The following ZNF329 variants were observed in gnomAD, a reference collection of about 807,000 sequenced individuals.
ZNF329 encodes the protein zinc finger protein 329.
ZNF329 carries 15 observed loss-of-function variants against 26.6 expected under a neutral mutation model. The observed-to-expected ratio is 0.56, with a 90% CI of 0.38 to 0.87. The LOEUF (loss-of-function observed/expected upper bound fraction) is 0.87, where lower values mean the gene tolerates loss of function less well. ZNF329 is among the 40% of genes least tolerant of loss of function. The pLI, the probability that ZNF329 is intolerant of heterozygous loss-of-function variation, is 0.00. For missense variants in ZNF329, 651 were observed against 651.9 expected, an observed-to-expected ratio of 1.00 and a Z score of 0.02; for synonymous variants, 239 against 233.5, an observed-to-expected ratio of 1.02 and a Z score of -0.21.
intron 1 of ZNF329, among the ~76,000 whole-genome samples, chr19:58,145,562 T>C (rs1271079328): frequency 6.6e-6 from 1 of 151,742 alleles, no homozygotes; most frequent in African/African-American, 2.4e-5. Flanking sequence ...CCTCAAGTGA[T>C]CTACCCGCCT....
At chr19:58,146,048 C>G (rs1342947892) in intron 1 of ZNF329, among the ~76,000 whole-genome samples, 1 of 148,480 alleles carries the variant, frequency 6.7e-6, no homozygotes, top group Non-Finnish European at 1.5e-5. Flanking sequence ...TTGAGGAAGA[C>G]TAAAATAACA....
In ZNF329 at chr19:58,128,961, C is replaced by T. The variant is rs953149377; in HGVS notation, c.543G>A (p.Glu181=). 6.2e-7 allele frequency: 1 copy of T among 1,613,340 alleles called. No individual in the cohort carries two copies. Among genetic ancestry groups the T allele is most frequent in the Non-Finnish European group, 8.5e-7 (1 of 1,179,736 alleles). Residue 181 remains glutamate, a synonymous_variant, in exon 4 of 4, where the codon GAG becomes GAA. Transcript: ENST00000598312. ...GCGATGAGCTCAGAGTAAAGATGTT[C>T]TCAAAATTCTTACCTTCATACGATT... is the stretch of plus-strand genomic sequence containing the variant. ...GKKSYEGKNF[E]NIFTLSSSLN...
chr19:58,132,022 CAAAAAA>C (rs11317433), intron 3 of ZNF329, among the ~76,000 whole-genome samples: 1 of 98,986 alleles, frequency 1.0e-5, no homozygotes. Flanking sequence ...GACTCTGCCT[CAAAAAA>C]AAAAAAAAAA....
chr19:58,128,757 AT>A lies in ZNF329; in HGVS notation c.746del (p.His249LeufsTer26). 6.2e-7 allele frequency: 1 copy of A among 1,604,102 alleles called. No homozygotes were observed. Among genetic ancestry groups the A allele is most frequent in the South Asian group, 1.1e-5 (1 of 89,738 alleles). ...GCTTCTCTCCTGTGTGGATTCTTTGATGCACAATCAGGTTGTAGTTCTTGGA... is the reference window on the plus strand; with the variant it reads ...GCTTCTCTCCTGTGTGGATTCTTTGAGCACAATCAGGTTGTAGTTCTTGGA... ...SFSKNYNLIV[H>X]QRIHTGEKPY... On this transcript the variant is annotated frameshift_variant, in exon 4 of 4. Transcript: ENST00000598312. LOFTEE classifies it high-confidence loss of function.
rs750826060 is a variant in ZNF329 at position 58,128,837 on chromosome 19, G to A, written c.667C>T (p.Arg223Ter). 1.1e-5 allele frequency: 18 copies of A among 1,609,906 alleles called. No homozygotes were observed. The highest frequency in any genetic ancestry group is 3.3e-5 in the South Asian group (3 of 90,618). ...KRNSSLVLHH[R>*]THTGEKPYTC... is the part of the protein sequence containing the mutation. The stretch of plus-strand genomic sequence containing the variant: ...TAAGGCTTCTCTCCGGTGTGAGTTC[G>A]GTGATGCAAAACAAGAGAAGAGTTC... The change falls in exon 4 of 4, where the codon CGA becomes TGA. Residue 223 changes from arginine (R) to a stop codon, truncating the protein, a stop_gained. Transcript: ENST00000598312. LOFTEE classifies it high-confidence loss of function.
At chr19:58,129,923 A>G (rs529062610) in intron 3 of ZNF329, among the ~76,000 whole-genome samples, 6 of 152,342 alleles carry the variant, frequency 3.9e-5, no homozygotes, top group African/African-American at 1.4e-4. Context: ...ACAGCACTGA[A>G]GGAACAGTTC....
At chr19:58,145,601 C>T (rs1011151301) in intron 1 of ZNF329, among the ~76,000 whole-genome samples, 1 of 152,202 alleles carries the variant, frequency 6.6e-6, no homozygotes, top group South Asian at 2.1e-4. Flanking sequence ...GGATTATAGG[C>T]GCGAGCCACT....
chr19:58,133,459 G>A (rs4801564), intron 3 of ZNF329, among the ~76,000 whole-genome samples: 52,799 of 151,698 alleles, frequency 0.35, 9,458 homozygotes, highest in Non-Finnish European at 0.4. Flanking sequence ...GGTGGCATGC[G>A]CCTGTTAGTC....
At chr19:58,139,197 C>G (rs2075133877) in intron 3 of ZNF329, among the ~76,000 whole-genome samples, 2 of 152,072 alleles carry the variant, frequency 1.3e-5, no homozygotes, top group African/African-American at 4.8e-5. Context: ...CAGATACTTC[C>G]TTTGTTGAAA....
chr19:58,146,636 A>G (rs2075316189), intron 1 of ZNF329, among the ~76,000 whole-genome samples: 1 of 150,150 alleles, frequency 6.7e-6, no homozygotes, highest in South Asian at 2.1e-4. Context: ...ATCTCGGCTC[A>G]CTGCAACCTC....
intron 3 of ZNF329, among the ~76,000 whole-genome samples, chr19:58,137,566 ATCGC>A: frequency 6.8e-6 from 1 of 148,028 alleles, no homozygotes; most frequent in Non-Finnish European, 1.5e-5. Flanking sequence ...GAAAAAAAAA[ATCGC>A]AGCAGAAATT....
chr19:58,128,280 G>A lies in ZNF329; in HGVS notation c.1224C>T (p.Phe408=), dbSNP rs140270905. ...GCCTGATGAGGTACGCACTCTCGAT[G>A]AAAGTCTTGCCACATTCTTTACATT... ...PYECKECGKT[F]IESAYLIRHQ... is the part of the protein sequence containing the mutation. The change falls in exon 4 of 4, where the codon TTC becomes TTT. Residue 408 remains phenylalanine (F), a synonymous_variant. Transcript: ENST00000598312. The A allele has an allele frequency of 6.2e-7, 1 of 1,611,496 alleles. No homozygotes were observed. The highest frequency in any genetic ancestry group is 1.3e-5 in the African/African-American group (1 of 74,992).
chr19:58,138,825 C>T (rs2075125402), intron 3 of ZNF329, among the ~76,000 whole-genome samples: 1 of 151,976 alleles, frequency 6.6e-6, no homozygotes, highest in Non-Finnish European at 1.5e-5. Context: ...GGCCAAACCC[C>T]ATCTCCAGTA....
intron 1 of ZNF329, among the ~76,000 whole-genome samples, chr19:58,144,687 C>A (rs1207812428): frequency 1.4e-5 from 2 of 147,952 alleles, no homozygotes; most frequent in South Asian, 2.2e-4. Flanking sequence ...TGGCGCCCAG[C>A]CAAGAATTTT....
At chr19:58,131,504 A>G (rs915225356) in intron 3 of ZNF329, among the ~76,000 whole-genome samples, 3 of 152,228 alleles carry the variant, frequency 2.0e-5, no homozygotes, top group Admixed American at 6.5e-5. Context: ...AAAAGACACA[A>G]TAAGAGACAA....
intron 1 of ZNF329, 134 bp downstream of exon 1, chr19:58,150,618 C>T (rs2075429617): frequency 6.5e-6 from 1 of 152,862 alleles, no homozygotes; most frequent in South Asian, 2.1e-4. Flanking sequence ...CCGACATGCC[C>T]ACCACCCAGG....
chr19:58,131,212 T>G (rs2146068257), intron 3 of ZNF329, among the ~76,000 whole-genome samples: 1 of 152,138 alleles, frequency 6.6e-6, no homozygotes. Flanking sequence ...GTAGTATGCC[T>G]TCATAAGTGT....
upstream of ZNF329, chr19:58,150,890 C>T (rs2075439828): frequency 6.6e-6 from 1 of 152,536 alleles, no homozygotes; most frequent in African/African-American, 2.4e-5. Context: ...TATTCATTAC[C>T]CTGGCGTGGA....
chr19:58,153,080 T>C (rs260491), upstream of ZNF329, among the ~76,000 whole-genome samples: 22,162 of 152,122 alleles, frequency 0.15, 1,597 homozygotes, highest in Admixed American at 0.19. Context: ...AAATCCTTAG[T>C]GCTAAGTACT....
Sources: allele counts gnomAD v4.1 joint callset (sites outside exome capture counted in the v4.1 genomes callset), GRCh38; gene constraint gnomAD v4.1.1; transcripts MANE v1.5; gene names NCBI Gene and HGNC (gene_info 2026-07-23, HGNC 2026-07-21).